The following CNOT2 variants were observed in gnomAD, a reference collection of about 807,000 sequenced individuals.
CNOT2 encodes CC chemokine receptor 4-negative regulator of transcription 2.
A neutral mutation model predicts 72.1 loss-of-function variants in CNOT2; 7 were observed. The observed-to-expected ratio is 0.10, with a 90% CI of 0.06 to 0.18. The LOEUF (loss-of-function observed/expected upper bound fraction) is 0.18, where lower values mean the gene tolerates loss of function less well. CNOT2 is among the 10% of genes least tolerant of loss of function. The probability of loss-of-function intolerance (pLI) is 1.00; values close to 1 mark genes in which losing one functional copy is unlikely to be tolerated. For missense variants in CNOT2, 345 were observed against 660.3 expected (o/e 0.52, Z 5.23); for synonymous variants, 196 against 225.6 (o/e 0.87, Z 1.17).
chr12:70,259,286 G>A (rs1366995307), intron 1 of CNOT2, among the ~76,000 whole-genome samples: 1 of 150,628 alleles, frequency 6.6e-6, no homozygotes, highest in East Asian at 2.0e-4. Context: ...TTTTAGTGTT[G>A]ATCTAGGGTG....
intron 1 of CNOT2, among the ~76,000 whole-genome samples, chr12:70,248,085 C>T (rs913074795): frequency 4.6e-5 from 7 of 152,048 alleles, no homozygotes; most frequent in Admixed American, 3.9e-4. Flanking sequence ...TTGCATTTCT[C>T]GCTGTATTTT....
chr12:70,332,280 C>T (rs532856816), intron 6 of CNOT2: 3 of 151,864 alleles, frequency 2.0e-5, no homozygotes, highest in East Asian at 1.9e-4. Context: ...ATGACATAAA[C>T]TCCTGTGTCC....
At chr12:70,304,107 A>T (rs529512925) in intron 2 of CNOT2, among the ~76,000 whole-genome samples, 3 of 151,082 alleles carry the variant, frequency 2.0e-5, no homozygotes, top group Non-Finnish European at 4.4e-5. Flanking sequence ...CATTCGTCTA[A>T]TTTTTTTTCA....
chr12:70,303,456 T>A (rs1304111095), intron 2 of CNOT2, among the ~76,000 whole-genome samples: 1 of 152,206 alleles, frequency 6.6e-6, no homozygotes, highest in African/African-American at 2.4e-5. Context: ...TAAAGTATTT[T>A]ATTTCTCCTT....
chr12:70,342,606 C>T lies in CNOT2; in HGVS notation c.1290+299C>T, dbSNP rs1881654909. Among the ~76,000 whole-genome samples, 6 of 151,890 alleles carry T rather than the reference C, an allele frequency of 4.0e-5. No individual in the cohort carries two copies. In the South Asian group the frequency reaches 8.3e-4, roughly 21 times the overall value. On this transcript the variant is annotated intron_variant, in intron 13 of 15. Transcript: ENST00000229195. ...ATGACCTTACCAGTAAAAAGATTTT[C>T]GTTACAAGTATTACAGATACAGTGT... is the stretch of plus-strand genomic sequence containing the variant.
At chr12:70,294,265 G>A (rs1176285417) in intron 2 of CNOT2, 3 of 1,289,430 alleles carry the variant, frequency 2.3e-6, no homozygotes, top group Admixed American at 2.3e-5. Flanking sequence ...CCAATCCCCA[G>A]AGTAGCAAAT....
chr12:70,324,043 G>T (rs1451136285), intron 4 of CNOT2: 1 of 151,700 alleles, frequency 6.6e-6, no homozygotes, highest in African/African-American at 2.4e-5. Context: ...TTTGTTCAAG[G>T]TTACACAGAT....
At chr12:70,346,914 T>C (rs1288851665) in intron 15 of CNOT2, among the ~76,000 whole-genome samples, 1 of 151,636 alleles carries the variant, frequency 6.6e-6, no homozygotes, top group Non-Finnish European at 1.5e-5. Context: ...GTGCAAAATT[T>C]TCATCAGTGT....
intron 2 of CNOT2, among the ~76,000 whole-genome samples, chr12:70,310,093 A>G (rs1876195996): frequency 6.6e-6 from 1 of 152,080 alleles, no homozygotes; most frequent in Non-Finnish European, 1.5e-5. Context: ...GAGATGATTT[A>G]AAGTATATGA....
intron 2 of CNOT2, among the ~76,000 whole-genome samples, chr12:70,303,451 T>G (rs1874512906): frequency 6.6e-6 from 1 of 152,156 alleles, no homozygotes; most frequent in Non-Finnish European, 1.5e-5. Context: ...GTCTGTAAAG[T>G]ATTTTATTTC....
chr12:70,353,876 A>G lies in CNOT2; in HGVS notation c.1584A>G (p.Pro528=), dbSNP rs1219525488. The change falls in exon 16 of 16, where the codon CCA becomes CCG. Residue 528 remains proline, a synonymous_variant. Coordinates refer to ENST00000229195, the MANE Select transcript of CNOT2 (RefSeq NM_014515.7). The part of the protein sequence containing the change: ...YDKLEERPHL[P]STFNYNPAQQ... Reference sequence around the variant, plus strand: ...AATTAGAAGAACGGCCTCACCTGCCATCCACCTTCAACTACAACCCTGCTC... The same window carrying G: ...AATTAGAAGAACGGCCTCACCTGCCGTCCACCTTCAACTACAACCCTGCTC... The G allele has an allele frequency of 6.2e-7, 1 of 1,602,154 alleles. No homozygotes were observed. Among genetic ancestry groups the G allele is most frequent in the South Asian group, 1.1e-5 (1 of 90,204 alleles).
At chr12:70,255,011 A>T (rs987288979) in intron 1 of CNOT2, among the ~76,000 whole-genome samples, 1 of 151,746 alleles carries the variant, frequency 6.6e-6, no homozygotes, top group South Asian at 2.1e-4. Flanking sequence ...AGAAGAAGAA[A>T]AAAAGAAAAC....
chr12:70,310,056 A>T (rs1876190184), intron 2 of CNOT2, among the ~76,000 whole-genome samples: 1 of 152,064 alleles, frequency 6.6e-6, no homozygotes, highest in Non-Finnish European at 1.5e-5. Flanking sequence ...TAGCATTTAC[A>T]TTGTATTAGA....
intron 2 of CNOT2, among the ~76,000 whole-genome samples, chr12:70,305,326 C>T (rs1875071585): frequency 6.6e-6 from 1 of 152,132 alleles, no homozygotes; most frequent in African/African-American, 2.4e-5. Context: ...CCTCATGAGA[C>T]TTATTCACAA....
rs1345684351 is a variant in CNOT2, at chr12:70,284,575, CCTTT to C, written c.48+6302_48+6305del. 1.1e-3 allele frequency among the ~76,000 whole-genome samples: 152 copies of C among 140,600 alleles called. 1 individual carries two copies. Among genetic ancestry groups the C allele is most frequent in the African/African-American group, 2.8e-3 (106 of 38,202 alleles). 92.2% of individuals were successfully genotyped at this position (140,600 alleles called of 152,430 possible). On this transcript the variant is annotated intron_variant, in intron 2 of 15. Coordinates refer to ENST00000229195, the MANE Select transcript of CNOT2 (RefSeq NM_014515.7). ...CTAAATTTTTAAAAATAAAATTTGA[CCTTT>C]TTTTTTTTTTTTTTTTGGCATTCAT...
chr12:70,251,278 T>C (rs1958131443), intron 1 of CNOT2, among the ~76,000 whole-genome samples: 1 of 152,136 alleles, frequency 6.6e-6, no homozygotes, highest in Non-Finnish European at 1.5e-5. Context: ...TTCAGGGAGT[T>C]AATGAGTTGG....
rs570374818 is a variant in CNOT2, at chr12:70,292,379, T to C, written c.48+14105T>C. ...CTCGGATTGGAGAAGACTAAGGAAA[T>C]GTAAAACTAAATGTAAGGGGTGGGG... On this transcript the variant is annotated intron_variant, in intron 2 of 15. Transcript: ENST00000229195. Among the ~76,000 whole-genome samples, 21 of 152,228 alleles carry C rather than the reference T, an allele frequency of 1.4e-4. No individual in the cohort carries two copies. The East Asian group carries it at 3.7e-3, about 27-fold the overall frequency.
At chr12:70,316,152 G>C (rs918475593) in intron 3 of CNOT2, among the ~76,000 whole-genome samples, 1 of 152,086 alleles carries the variant, frequency 6.6e-6, no homozygotes. Context: ...GCAGAACCAG[G>C]ATTCAAACCC....
chr12:70,331,718 A>G (rs1225768412), intron 6 of CNOT2: 1 of 151,782 alleles, frequency 6.6e-6, no homozygotes, highest in Non-Finnish European at 1.5e-5. Context: ...GCTCTTCTCT[A>G]GAGTGTTTGT....
Sources: allele counts gnomAD v4.1 joint callset (sites outside exome capture counted in the v4.1 genomes callset), GRCh38; gene constraint gnomAD v4.1.1; transcripts MANE v1.5; gene names NCBI Gene and HGNC (gene_info 2026-07-23, HGNC 2026-07-21).